TEK: variants seen among roughly 807,000 people sequenced by gnomAD.
The protein encoded by TEK is angiopoietin-1 receptor.
Under a neutral mutation model 131.8 loss-of-function variants are expected in TEK, and 43 were observed. That is an observed-to-expected ratio of 0.33 (90% CI 0.26 to 0.42). The LOEUF is 0.42. TEK is among the 10% of genes least tolerant of loss of function. The pLI is 1.00. For synonymous variants in TEK, 580 were observed against 491.6 expected (o/e 1.18, Z -2.38); for missense variants, 1,162 against 1,384.4 (o/e 0.84, Z 2.55).
intron 1 of TEK, among the ~76,000 whole-genome samples, chr9:27,137,009 G>A (rs567547714): frequency 6.6e-6 from 1 of 152,042 alleles, no homozygotes; most frequent in African/African-American, 2.4e-5. Flanking sequence ...TCTGCCTCCC[G>A]GGTTCAAGCG....
At chr9:27,148,652 G>A (rs1302915941) in intron 1 of TEK, among the ~76,000 whole-genome samples, 2 of 152,218 alleles carry the variant, frequency 1.3e-5, no homozygotes, top group Non-Finnish European at 2.9e-5. Context: ...GCCAAGCCTA[G>A]ATTCAAGAGA....
At chr9:27,168,667 A>G in intron 3 of TEK, 62 bp downstream of exon 3, 1 of 1,209,988 alleles carries the variant, frequency 8.3e-7, no homozygotes, top group South Asian at 1.3e-5. Flanking sequence ...CATACAACAT[A>G]TTGAATCATT....
At chr9:27,216,382 A>C (rs1335249258) in intron 18 of TEK, among the ~76,000 whole-genome samples, 2 of 152,168 alleles carry the variant, frequency 1.3e-5, no homozygotes, top group Non-Finnish European at 2.9e-5. Flanking sequence ...TCAAATAAAA[A>C]AATAAATGAA....
At chr9:27,135,862 G>C (rs918557397) in intron 1 of TEK, among the ~76,000 whole-genome samples, 4 of 152,126 alleles carry the variant, frequency 2.6e-5, no homozygotes, top group Admixed American at 6.5e-5. Context: ...TGATGAAGGT[G>C]CTAATATAAA....
At chr9:27,207,461 C>T (rs1186089616) in intron 15 of TEK, among the ~76,000 whole-genome samples, 1 of 152,228 alleles carries the variant, frequency 6.6e-6, no homozygotes, top group Non-Finnish European at 1.5e-5. Flanking sequence ...GTCATAAGAA[C>T]TAAATCTTTT....
chr9:27,226,230 G>A (rs961247276), intron 21 of TEK, among the ~76,000 whole-genome samples: 2 of 152,120 alleles, frequency 1.3e-5, no homozygotes, highest in South Asian at 2.1e-4. Flanking sequence ...CCCATTACTG[G>A]GAATATACCC....
At chr9:27,195,880 T>C (rs2131193475) in intron 11 of TEK, among the ~76,000 whole-genome samples, 1 of 152,356 alleles carries the variant, frequency 6.6e-6, no homozygotes, top group Non-Finnish European at 1.5e-5. Flanking sequence ...TGTTCCTGTC[T>C]CTCTGATTTT....
At chr9:27,226,022 C>T (rs1050200273) in intron 21 of TEK, among the ~76,000 whole-genome samples, 1 of 152,144 alleles carries the variant, frequency 6.6e-6, no homozygotes, top group East Asian at 1.9e-4. Context: ...ATATCAAAAC[C>T]ACAATGAGAT....
At chr9:27,184,237 G>A (rs748751596) in intron 8 of TEK, among the ~76,000 whole-genome samples, 11 of 152,108 alleles carry the variant, frequency 7.2e-5, no homozygotes, top group Non-Finnish European at 1.5e-4. Flanking sequence ...TAATATCACA[G>A]CAGTTATTTT....
intron 21 of TEK, among the ~76,000 whole-genome samples, chr9:27,225,888 C>T (rs1826303834): frequency 1.3e-5 from 2 of 152,012 alleles, no homozygotes; most frequent in Admixed American, 6.6e-5. Context: ...AACAAATTTA[C>T]AAGAAAAAAA....
intron 12 of TEK, among the ~76,000 whole-genome samples, chr9:27,200,745 G>A (rs1825186744): frequency 6.6e-6 from 1 of 152,118 alleles, no homozygotes; most frequent in Non-Finnish European, 1.5e-5. Context: ...CCAATCATAT[G>A]TTAAAAATAA....
chr9:27,209,351 TTCTA>T (rs1564099699), intron 16 of TEK, 120 bp downstream of exon 16: 2 of 773,130 alleles, frequency 2.6e-6, no homozygotes, highest in Non-Finnish European at 4.4e-6. Flanking sequence ...AAGTTGCATC[TTCTA>T]TCTGAATGTC....
chr9:27,117,008 C>A (rs1821591958), intron 1 of TEK, among the ~76,000 whole-genome samples: 1 of 151,800 alleles, frequency 6.6e-6, no homozygotes, highest in South Asian at 2.1e-4. Flanking sequence ...ACTACAGGCG[C>A]CTGCCACCAC....
chr9:27,204,929 G>A lies in TEK; in HGVS notation c.2228G>A (p.Gly743Glu), dbSNP rs202131936. 49 of 1,613,866 alleles carry A rather than the reference G, an allele frequency of 3.0e-5. No homozygotes were observed. The highest frequency in any genetic ancestry group is 1.6e-4 in the Middle Eastern group (1 of 6,074). Residue 743 changes from glycine (G) to glutamate (E), a missense_variant, in exon 14 of 23, where the codon GGG (glycine) becomes GAG (glutamate). Around this residue, in one of 6 missense-constraint regions of TEK, gnomAD observed 477 missense variants for 471.0 expected, o/e 1.01. Coordinates refer to ENST00000380036, the MANE Select transcript of TEK (RefSeq NM_000459.5). ...TGCACAGCACCAGCGGACCTCGGAG[G>A]GGGGAAGATGCTGCTTATAGCCATC... is the stretch of plus-strand genomic sequence containing the variant. The part of the protein sequence containing the change: ...PESQAPADLG[G>E]GKMLLIAILG...
chr9:27,183,618 C>T lies in TEK; in HGVS notation c.1182+8C>T. 1.2e-6 allele frequency: 2 copies of T among 1,613,712 alleles called. No individual in the cohort carries two copies. Among genetic ancestry groups the T allele is most frequent in the Non-Finnish European group, 1.7e-6 (2 of 1,179,718 alleles). ...GATGGGACAGTGCTCCATGTAAGAG[C>T]CATTCTTAATTTGCCCTTCTTAAAG... On this transcript the variant is annotated splice_region_variant and intron_variant, in intron 8 of 22. Coordinates refer to ENST00000380036, the MANE Select transcript of TEK (RefSeq NM_000459.5).
chr9:27,226,986 C>A (rs1826359333), intron 21 of TEK, among the ~76,000 whole-genome samples: 1 of 123,136 alleles, frequency 8.1e-6, no homozygotes, highest in East Asian at 2.1e-4. Flanking sequence ...TACATACCAT[C>A]CTGGAAAAAC....
At chr9:27,175,557 C>T (rs1277541177) in intron 6 of TEK, among the ~76,000 whole-genome samples, 6 of 152,054 alleles carry the variant, frequency 3.9e-5, no homozygotes, top group East Asian at 1.9e-4. Flanking sequence ...TCTGAGGAAT[C>T]GCCACACTGA....
At chr9:27,195,690 G>A (rs1380725216) in intron 11 of TEK, 14 of 455,838 alleles carry the variant, frequency 3.1e-5, no homozygotes, top group African/African-American at 8.0e-5. Context: ...AAGACATCTC[G>A]AAAGAAGGAA....
intron 1 of TEK, among the ~76,000 whole-genome samples, chr9:27,123,542 CAG>C: frequency 6.6e-6 from 1 of 152,298 alleles, no homozygotes; most frequent in South Asian, 2.1e-4. Flanking sequence ...CTGGAACTGT[CAG>C]AGACATAAAA....
Sources: allele counts gnomAD v4.1 joint callset (sites outside exome capture counted in the v4.1 genomes callset), GRCh38; gene constraint gnomAD v4.1.1; regional missense constraint gnomAD v4.1.1; transcripts MANE v1.5; gene names NCBI Gene and HGNC (gene_info 2026-07-23, HGNC 2026-07-21).